The following NAA25 variants were observed in gnomAD, a reference collection of about 807,000 sequenced individuals.
NAA25 encodes N-terminal acetyltransferase B complex subunit NAA25.
NAA25 carries 30 observed loss-of-function variants against 132.5 expected under a neutral mutation model. The observed-to-expected ratio is 0.23, with a 90% CI of 0.17 to 0.31. NAA25 has a LOEUF of 0.31. Ranked by LOEUF, NAA25 falls within the 10% of genes least tolerant of loss-of-function variation. The pLI is 1.00. For missense variants in NAA25, 771 were observed against 1,150.4 expected (o/e 0.67, Z 4.77); for synonymous variants, 359 against 401.9 (o/e 0.89, Z 1.28).
chr12:112,074,704 C>T lies in NAA25; in HGVS notation c.837G>A (p.Glu279=). The part of the protein sequence containing the change: ...YFDSVFRLIE[E]AWSPPAEGEH... ...CACCTTCAGCAGGAGGACTCCAGGC[C>T]TCTTCAATCAGTCGAAAGACAGAAT... Residue 279 remains glutamate (E), a synonymous_variant, in exon 9 of 24, where the codon GAG becomes GAA. Transcript: ENST00000261745. The T allele has an allele frequency of 6.2e-7, 1 of 1,611,468 alleles. No individual in the cohort carries two copies. Among genetic ancestry groups the T allele is most frequent in the Non-Finnish European group, 8.5e-7 (1 of 1,178,910 alleles).
At chr12:112,030,472 C>A (rs1409749229) in intron 23 of NAA25, among the ~76,000 whole-genome samples, 1 of 152,054 alleles carries the variant, frequency 6.6e-6, no homozygotes, top group African/African-American at 2.4e-5. Flanking sequence ...TTTCCAGTTA[C>A]AATATTAACA....
At chr12:112,050,773 T>C (rs1017105277) in intron 15 of NAA25, among the ~76,000 whole-genome samples, 1 of 152,232 alleles carries the variant, frequency 6.6e-6, no homozygotes, top group African/African-American at 2.4e-5. Context: ...ATCTAGTGCT[T>C]ATTTTCATAT....
At chr12:112,070,184 A>C (rs1485507091) in intron 10 of NAA25, among the ~76,000 whole-genome samples, 1 of 152,156 alleles carries the variant, frequency 6.6e-6, no homozygotes, top group African/African-American at 2.4e-5. Flanking sequence ...TGAGCAAAGA[A>C]TTACTGCTTT....
intron 3 of NAA25, 132 bp downstream of exon 3, chr12:112,090,594 C>A (rs2079114912): frequency 2.5e-6 from 2 of 810,018 alleles, no homozygotes; most frequent in African/African-American, 1.8e-5. Context: ...TTCTCGCAAA[C>A]CCTGGCTAAT....
intron 13 of NAA25, among the ~76,000 whole-genome samples, chr12:112,059,810 G>GTTT (rs35524293): frequency 1.4e-5 from 2 of 140,880 alleles, no homozygotes; most frequent in Non-Finnish European, 3.1e-5. Flanking sequence ...CTGGAGACAG[G>GTTT]TTTTTTTTTT....
chr12:112,066,899 C>T (rs1319046244), intron 11 of NAA25, among the ~76,000 whole-genome samples: 1 of 152,208 alleles, frequency 6.6e-6, no homozygotes, highest in African/African-American at 2.4e-5. Flanking sequence ...CTAATTATAT[C>T]CACTGTGCTC....
chr12:112,086,469 T>C (rs2079058524), intron 4 of NAA25, among the ~76,000 whole-genome samples: 2 of 151,934 alleles, frequency 1.3e-5, no homozygotes, highest in South Asian at 4.2e-4. Flanking sequence ...CACTCCAGCC[T>C]GGGCAACAGA....
intron 13 of NAA25, among the ~76,000 whole-genome samples, chr12:112,059,034 A>C (rs2078585954): frequency 7.8e-6 from 1 of 128,708 alleles, no homozygotes; most frequent in African/African-American, 3.0e-5. Flanking sequence ...AGATTGCACC[A>C]CTGTACTCCA....
chr12:112,054,999 G>A (rs1354847777), intron 13 of NAA25, among the ~76,000 whole-genome samples: 1 of 152,092 alleles, frequency 6.6e-6, no homozygotes, highest in East Asian at 1.9e-4. Flanking sequence ...ATGGCAAATA[G>A]GATGTTTGAA....
At chr12:112,046,866 C>A (rs1179903774) in intron 17 of NAA25, among the ~76,000 whole-genome samples, 1 of 152,174 alleles carries the variant, frequency 6.6e-6, no homozygotes, top group Non-Finnish European at 1.5e-5. Flanking sequence ...AAATTTACTA[C>A]AAACCTTTAG....
intron 11 of NAA25, chr12:112,063,789 C>G (rs572137097): frequency 6.6e-6 from 1 of 152,004 alleles, no homozygotes; most frequent in South Asian, 2.1e-4. Context: ...AGGAAAATAA[C>G]AAAAAATTTA....
intron 7 of NAA25, among the ~76,000 whole-genome samples, chr12:112,076,958 T>C (rs1005526696): frequency 3.3e-5 from 5 of 152,054 alleles, no homozygotes; most frequent in Non-Finnish European, 7.4e-5. Context: ...ATGATGCCAC[T>C]GCATTCTAGC....
At chr12:112,041,931 CTACT>C (rs1418496109) in intron 20 of NAA25, 104 bp downstream of exon 20, 14 of 632,110 alleles carry the variant, frequency 2.2e-5, no homozygotes, top group Non-Finnish European at 3.7e-5. Flanking sequence ...AGTGTTAAAA[CTACT>C]TACTTATCTC....
chr12:112,082,078 C>A (rs2078980660), intron 4 of NAA25, among the ~76,000 whole-genome samples: 1 of 152,128 alleles, frequency 6.6e-6, no homozygotes, highest in East Asian at 1.9e-4. Flanking sequence ...TGGAGAAACC[C>A]CATCTCTACT....
chr12:112,082,221 C>A (rs920034249), intron 4 of NAA25, among the ~76,000 whole-genome samples: 3 of 152,126 alleles, frequency 2.0e-5, no homozygotes, highest in Non-Finnish European at 4.4e-5. Context: ...GCACTCTAGC[C>A]TGGGCAACAG....
intron 1 of NAA25, among the ~76,000 whole-genome samples, chr12:112,095,724 C>T (rs533815777): frequency 8.0e-5 from 12 of 149,694 alleles, no homozygotes; most frequent in African/African-American, 3.0e-4. Flanking sequence ...GGGAAAAAAA[C>T]CCAATCTGAA....
intron 17 of NAA25, 135 bp from the exon 18 acceptor site, chr12:112,044,003 C>T (rs2078338311): frequency 1.2e-6 from 1 of 821,078 alleles, no homozygotes; most frequent in South Asian, 1.8e-5. Context: ...TCTCTGCTCA[C>T]TGCAAGCTCT....
chr12:112,084,304 T>C (rs891860837), intron 4 of NAA25, among the ~76,000 whole-genome samples: 6 of 152,234 alleles, frequency 3.9e-5, no homozygotes, highest in Non-Finnish European at 7.3e-5. Context: ...TAACAAATTA[T>C]TGTGCAGATG....
At chr12:112,095,164 G>A (rs1442656335) in intron 1 of NAA25, among the ~76,000 whole-genome samples, 1 of 151,950 alleles carries the variant, frequency 6.6e-6, no homozygotes, top group African/African-American at 2.4e-5. Flanking sequence ...TTGGCCAGGC[G>A]CGGTGGTTCA....
Sources: gnomAD v4.1 joint callset for allele counts (sites outside exome capture counted in the v4.1 genomes callset) on GRCh38, gnomAD v4.1.1 for gene constraint, MANE v1.5 for transcripts, NCBI Gene and HGNC (gene_info 2026-07-23, HGNC 2026-07-21) for gene names.